Variants in EPM2A observed in about 807,000 individuals in gnomAD.
The protein encoded by EPM2A is EPM2A glucan phosphatase, laforin.
EPM2A carries 21 observed loss-of-function variants against 26.5 expected under a neutral mutation model. The observed-to-expected ratio is 0.79, with a 90% CI of 0.56 to 1.14. The LOEUF (loss-of-function observed/expected upper bound fraction) is 1.14. EPM2A is among the 50% of genes most tolerant of loss of function. EPM2A has a pLI of 0.00. For synonymous variants in EPM2A, 217 were observed against 177.6 expected (o/e 1.22, Z -1.76); for missense variants, 458 against 440.8 (o/e 1.04, Z -0.35).
chr6:145,617,378 T>C (rs1446110400), intron 2 of EPM2A, among the ~76,000 whole-genome samples: 2 of 152,182 alleles, frequency 1.3e-5, no homozygotes, highest in Non-Finnish European at 2.9e-5. Context: ...GTCTCAATTA[T>C]GTCTTTATCA....
intron 4 of EPM2A, among the ~76,000 whole-genome samples, chr6:145,459,765 A>G (rs572861484): frequency 7.9e-5 from 12 of 152,296 alleles, no homozygotes; most frequent in African/African-American, 2.6e-4. Flanking sequence ...ATCTGCACAT[A>G]TAACTTTGCC....
chr6:145,495,682 A>G (rs1348246298), intron 4 of EPM2A, among the ~76,000 whole-genome samples: 5 of 152,154 alleles, frequency 3.3e-5, no homozygotes, highest in African/African-American at 1.2e-4. Context: ...GGTTCAAGCA[A>G]TTCTCATGCC....
At chr6:145,517,530 T>A (rs1030834352) in intron 2 of EPM2A, among the ~76,000 whole-genome samples, 41 of 152,176 alleles carry the variant, frequency 2.7e-4, no homozygotes, top group Admixed American at 2.4e-3. Context: ...TGTTATTACT[T>A]TCATATGACC....
At chr6:145,559,421 G>A (rs932896697) in intron 2 of EPM2A, among the ~76,000 whole-genome samples, 2 of 151,874 alleles carry the variant, frequency 1.3e-5, no homozygotes, top group Non-Finnish European at 2.9e-5. Context: ...TCTTAGACTT[G>A]GTTTCTATTA....
chr6:145,518,256 C>G (rs1356779811), intron 2 of EPM2A, among the ~76,000 whole-genome samples: 1 of 152,144 alleles, frequency 6.6e-6, no homozygotes, highest in Non-Finnish European at 1.5e-5. Context: ...GTTTTATGTT[C>G]TCAGCGAGAA....
intron 4 of EPM2A, among the ~76,000 whole-genome samples, chr6:145,402,974 TC>T: frequency 6.6e-6 from 1 of 152,216 alleles, no homozygotes; most frequent in Non-Finnish European, 1.5e-5. Context: ...AAGTTACATT[TC>T]CAGTAGTGTA....
At position 145,626,176 on chromosome 6, in the gene EPM2A, G is replaced by C; in HGVS notation, c.*1240C>G. The C allele has an allele frequency of 1.2e-5, 12 of 1,001,216 alleles. No homozygotes were observed. Among genetic ancestry groups the C allele is most frequent in the Non-Finnish European group, 1.4e-5 (12 of 839,204 alleles). The allele number at this position is 1,001,216 out of a possible 1,614,324, so 62.0% of individuals were successfully genotyped here. A position where few individuals can be genotyped will look rare whatever the true frequency, so the allele number is the denominator to read the frequency against. Reference sequence around the variant, plus strand: ...AGCATATCATTCATGGTCCAATCCTGCATTACAGTTGGTTGAATGCAGGTC... The same window carrying C: ...AGCATATCATTCATGGTCCAATCCTCCATTACAGTTGGTTGAATGCAGGTC... On this transcript the variant is annotated 3_prime_UTR_variant, in exon 4 of 4. Coordinates refer to ENST00000367519, the MANE Select transcript of EPM2A (RefSeq NM_005670.4).
At chr6:145,441,340 C>CA (rs1779060776) in intron 4 of EPM2A, among the ~76,000 whole-genome samples, 1 of 152,180 alleles carries the variant, frequency 6.6e-6, no homozygotes, top group South Asian at 2.1e-4. Context: ...CCCACTAAAC[C>CA]ATTTTTTCCT....
At chr6:145,480,664 G>A (rs1779602489) in intron 4 of EPM2A, among the ~76,000 whole-genome samples, 1 of 152,028 alleles carries the variant, frequency 6.6e-6, no homozygotes, top group African/African-American at 2.4e-5. Flanking sequence ...GCTACTTAGA[G>A]ACATACACAT....
chr6:145,669,473 C>G (rs949715793), intron 2 of EPM2A, among the ~76,000 whole-genome samples: 2 of 152,094 alleles, frequency 1.3e-5, no homozygotes, highest in Non-Finnish European at 2.9e-5. Context: ...GGCAAAGTGA[C>G]CATAATACAC....
intron 2 of EPM2A, among the ~76,000 whole-genome samples, chr6:145,649,607 C>G (rs1777729704): frequency 6.6e-6 from 1 of 152,218 alleles, no homozygotes; most frequent in South Asian, 2.1e-4. Context: ...GACCACATGA[C>G]TGGTATGCCC....
chr6:145,580,163 T>A (rs1400810957), intron 2 of EPM2A, among the ~76,000 whole-genome samples: 1 of 152,186 alleles, frequency 6.6e-6, no homozygotes, highest in African/African-American at 2.4e-5. Context: ...GATCCATACT[T>A]CCATCTGGTA....
intron 2 of EPM2A, among the ~76,000 whole-genome samples, chr6:145,665,082 C>G (rs540040818): frequency 1.4e-5 from 1 of 69,332 alleles, no homozygotes; most frequent in Non-Finnish European, 2.9e-5. Flanking sequence ...AAATTGACAC[C>G]CTAACATCAC....
At chr6:145,612,639 A>AT (rs35949482) in intron 2 of EPM2A, among the ~76,000 whole-genome samples, 1 of 149,718 alleles carries the variant, frequency 6.7e-6, no homozygotes, top group Non-Finnish European at 1.5e-5. Flanking sequence ...AAGTCACACA[A>AT]TTTTTTTTCA....
At chr6:145,483,887 A>G (rs1779639192) in intron 4 of EPM2A, among the ~76,000 whole-genome samples, 1 of 152,196 alleles carries the variant, frequency 6.6e-6, no homozygotes, top group African/African-American at 2.4e-5. Flanking sequence ...GGCTTGCCTC[A>G]CGAACCCTAG....
At chr6:145,493,472 C>G (rs544017653) in intron 4 of EPM2A, among the ~76,000 whole-genome samples, 2 of 152,244 alleles carry the variant, frequency 1.3e-5, no homozygotes, top group Admixed American at 1.3e-4. Context: ...ATTTGAATGC[C>G]CTTTATTTCT....
intron 2 of EPM2A, among the ~76,000 whole-genome samples, chr6:145,553,784 G>A (rs1780685563): frequency 6.8e-6 from 1 of 148,138 alleles, no homozygotes; most frequent in African/African-American, 2.5e-5. Flanking sequence ...CTTTGTTGCT[G>A]ACAAATAGTT....
intron 1 of EPM2A, among the ~76,000 whole-genome samples, chr6:145,706,427 C>T (rs1325437319): frequency 1.3e-5 from 2 of 152,208 alleles, no homozygotes; most frequent in African/African-American, 4.8e-5. Flanking sequence ...CTTCACTAAA[C>T]TGCATGCTAT....
At chr6:145,458,432 T>G (rs1779288688) in intron 4 of EPM2A, among the ~76,000 whole-genome samples, 1 of 152,212 alleles carries the variant, frequency 6.6e-6, no homozygotes, top group Non-Finnish European at 1.5e-5. Context: ...TTTGGTTCTA[T>G]TCCTACGCTG....
Sources: gnomAD v4.1 joint callset for allele counts (sites outside exome capture counted in the v4.1 genomes callset) on GRCh38, gnomAD v4.1.1 for gene constraint, MANE v1.5 for transcripts, NCBI Gene and HGNC (gene_info 2026-07-23, HGNC 2026-07-21) for gene names.